The following WWOX variants were observed in gnomAD, a reference collection of about 807,000 sequenced individuals.
WWOX encodes WW domain-containing oxidoreductase.
In WWOX, 69 loss-of-function variants were observed where a neutral mutation model predicts 46.2. The observed-to-expected ratio is 1.49, with a 90% CI of 1.23 to 1.82. The LOEUF is 1.82. WWOX is among the 40% of genes most tolerant of loss of function. The pLI is 0.00. For synonymous variants in WWOX, 359 were observed against 202.6 expected, an observed-to-expected ratio of 1.77 and a Z score of -6.56; for missense variants, 919 against 542.6, an observed-to-expected ratio of 1.69 and a Z score of -6.89.
At chr16:78,780,389 C>T (rs191832115) in intron 8 of WWOX, 17 of 151,708 alleles carry the variant, frequency 1.1e-4, no homozygotes, top group Admixed American at 1.1e-3. Context: ...TTAATTAATT[C>T]ATGTCATCCT....
At chr16:78,170,960 T>A (rs2035136926) in intron 5 of WWOX, among the ~76,000 whole-genome samples, 1 of 152,204 alleles carries the variant, frequency 6.6e-6, no homozygotes, top group Non-Finnish European at 1.5e-5. Context: ...ATGATTCAGG[T>A]TTTCAATAGA....
chr16:79,185,953 T>G (rs1243885146), intron 8 of WWOX, among the ~76,000 whole-genome samples: 1 of 151,776 alleles, frequency 6.6e-6, no homozygotes, highest in Admixed American at 6.6e-5. Flanking sequence ...TCTGTGTGTG[T>G]GTGTGTGTGC....
intron 8 of WWOX, among the ~76,000 whole-genome samples, chr16:79,189,610 A>G (rs1393015484): frequency 6.6e-6 from 1 of 151,986 alleles, no homozygotes; most frequent in South Asian, 2.1e-4. Context: ...CTAGGAAAGC[A>G]TATTTTTGAG....
chr16:79,160,830 G>A (rs539802711), intron 8 of WWOX, among the ~76,000 whole-genome samples: 20 of 152,294 alleles, frequency 1.3e-4, no homozygotes, highest in African/African-American at 3.6e-4. Context: ...ATGTAGACAT[G>A]TATAGATGCA....
chr16:79,032,163 C>G (rs1422192242), intron 8 of WWOX, among the ~76,000 whole-genome samples: 2 of 144,422 alleles, frequency 1.4e-5, no homozygotes, highest in Non-Finnish European at 3.0e-5. Flanking sequence ...TCTATAAAAA[C>G]TGTTTTCCTT....
At chr16:78,854,367 C>G (rs916951040) in intron 8 of WWOX, among the ~76,000 whole-genome samples, 3 of 152,150 alleles carry the variant, frequency 2.0e-5, no homozygotes, top group Non-Finnish European at 2.9e-5. Flanking sequence ...AGTCTTTTAG[C>G]ACCAAATGTT....
At chr16:79,117,759 C>T (rs201359825) in intron 8 of WWOX, among the ~76,000 whole-genome samples, 73 of 152,340 alleles carry the variant, frequency 4.8e-4, no homozygotes, top group East Asian at 4.6e-3. Context: ...GTTATGGAGA[C>T]GGCTTTCTTC....
chr16:79,064,853 G>A (rs971124399), intron 8 of WWOX, among the ~76,000 whole-genome samples: 11 of 152,206 alleles, frequency 7.2e-5, no homozygotes, highest in Non-Finnish European at 1.6e-4. Context: ...GCATTCTAAT[G>A]TTGTGTTGGA....
chr16:79,021,979 C>T lies in WWOX; in HGVS notation c.1057-189629C>T, dbSNP rs550633852. 2.0e-5 allele frequency among the ~76,000 whole-genome samples: 3 copies of T among 152,304 alleles called. No homozygotes were observed. In the East Asian group the frequency reaches 5.8e-4, roughly 29 times the overall value. ...CCATGTGACGTTCTCTCTGCAGGCA[C>T]ATAGTAAGTGCTGGATAAATGATAG... On this transcript the variant is annotated intron_variant, in intron 8 of 8. Coordinates refer to ENST00000566780, the MANE Select transcript of WWOX (RefSeq NM_016373.4).
chr16:78,870,839 C>G (rs184790371), intron 8 of WWOX, among the ~76,000 whole-genome samples: 2 of 152,250 alleles, frequency 1.3e-5, no homozygotes, highest in South Asian at 4.1e-4. Flanking sequence ...TGAGCTTAGG[C>G]AGTCTGCCCA....
chr16:78,170,452 T>C (rs1432565958), intron 5 of WWOX, among the ~76,000 whole-genome samples: 1 of 152,208 alleles, frequency 6.6e-6, no homozygotes, highest in African/African-American at 2.4e-5. Context: ...ACAATAATAA[T>C]ATTTTCTTCA....
At chr16:78,408,897 A>G (rs533706201) in intron 6 of WWOX, among the ~76,000 whole-genome samples, 1 of 152,076 alleles carries the variant, frequency 6.6e-6, no homozygotes, top group South Asian at 2.1e-4. Flanking sequence ...CCCTGGGTAT[A>G]AGTGTGTAAG....
chr16:78,951,103 A>G (rs888231676), intron 8 of WWOX, among the ~76,000 whole-genome samples: 3 of 152,216 alleles, frequency 2.0e-5, no homozygotes, highest in Admixed American at 1.3e-4. Context: ...GCCAGTAACA[A>G]ACACAGCCCT....
chr16:78,903,030 A>G (rs573047152), intron 8 of WWOX, among the ~76,000 whole-genome samples: 1 of 152,310 alleles, frequency 6.6e-6, no homozygotes, highest in East Asian at 1.9e-4. Flanking sequence ...GTTGGACAAA[A>G]TGCACAAACA....
chr16:78,689,368 ACT>A (rs1245811750), intron 8 of WWOX, among the ~76,000 whole-genome samples: 2 of 152,144 alleles, frequency 1.3e-5, no homozygotes, highest in Non-Finnish European at 2.9e-5. Flanking sequence ...TCTTTAAGAA[ACT>A]CTGGCTGAGT....
intron 5 of WWOX, among the ~76,000 whole-genome samples, chr16:78,357,248 A>G (rs1274785048): frequency 2.6e-5 from 4 of 152,124 alleles, no homozygotes; most frequent in Non-Finnish European, 4.4e-5. Context: ...TCATGCCAAC[A>G]TGGGAGCCAC....
Position 78,144,450 on chromosome 16 carries a change from C to CACATATATAT in WWOX, c.410-19732_410-19731insCATATATATA, listed in dbSNP as rs1171090089. ...ATTACTATATATATATATATATACA[C>CACATATATAT]ATATATATATATACACACATATATA... is the stretch of plus-strand genomic sequence containing the variant. On this transcript the variant is annotated intron_variant, in intron 4 of 8. Coordinates refer to ENST00000566780, the MANE Select transcript of WWOX (RefSeq NM_016373.4). Among the ~76,000 whole-genome samples, 41 of 24,932 alleles carry CACATATATAT rather than the reference C, an allele frequency of 1.6e-3. 7 individuals carry two copies. The highest frequency in any genetic ancestry group is 2.7e-3 in the Admixed American group (3 of 1,112). The allele number at this position is 24,932 out of a possible 152,430, so 16.4% of individuals were successfully genotyped here. A position where few individuals can be genotyped will look rare whatever the true frequency, so the allele number is the denominator to read the frequency against.
chr16:78,432,296 G>A (rs1361169484), intron 7 of WWOX, among the ~76,000 whole-genome samples, 192 bp from the exon 8 acceptor site: 1 of 151,936 alleles, frequency 6.6e-6, no homozygotes, highest in Non-Finnish European at 1.5e-5. Context: ...AGTAGAGATG[G>A]CATTTTGCCA....
At chr16:79,152,443 G>A (rs973246541) in intron 8 of WWOX, among the ~76,000 whole-genome samples, 10 of 152,118 alleles carry the variant, frequency 6.6e-5, no homozygotes, top group African/African-American at 1.4e-4. Context: ...ACGATGAGGC[G>A]GGCGGATCAC....
Sources: gnomAD v4.1 joint callset for allele counts (sites outside exome capture counted in the v4.1 genomes callset) on GRCh38, gnomAD v4.1.1 for gene constraint, MANE v1.5 for transcripts, NCBI Gene and HGNC (gene_info 2026-07-23, HGNC 2026-07-21) for gene names.